The following GDAP1 variants were observed in gnomAD, a reference collection of about 807,000 sequenced individuals.
GDAP1 encodes the protein ganglioside-induced differentiation-associated protein 1.
In GDAP1, 34 loss-of-function variants were observed where a neutral mutation model predicts 40.1. The observed-to-expected ratio is 0.85, with a 90% CI of 0.64 to 1.13. The LOEUF (loss-of-function observed/expected upper bound fraction) is 1.13. Ranked by LOEUF, GDAP1 falls within the 50% of genes most tolerant of loss-of-function variation. The pLI is 0.00. For missense variants in GDAP1, 374 were observed against 433.7 expected, an observed-to-expected ratio of 0.86 and a Z score of 1.22; for synonymous variants, 170 against 157.4, an observed-to-expected ratio of 1.08 and a Z score of -0.60.
rs1484613046 is a variant in GDAP1, at chr8:74,454,577, T to G, written c.166-34101T>G. On this transcript the variant is annotated intron_variant, in intron 2 of 2. Transcript: ENST00000523640. The stretch of plus-strand genomic sequence containing the variant: ...AGGCTACTGTGTGCTGCTAGATACA[T>G]TCACAAGGATGGTGTTCTTCCAAAT... Among the ~76,000 whole-genome samples, 4 of 83,604 alleles carry G rather than the reference T, an allele frequency of 4.8e-5. 1 individual carries two copies. Among genetic ancestry groups the G allele is most frequent in the African/African-American group, 2.1e-4 (4 of 19,226 alleles). The allele number at this position is 83,604 out of a possible 152,430, so 54.8% of individuals were successfully genotyped here.
At chr8:74,401,314 C>T (rs1218000288) in intron 2 of GDAP1, among the ~76,000 whole-genome samples, 1 of 149,590 alleles carries the variant, frequency 6.7e-6, no homozygotes, top group Admixed American at 6.6e-5. Flanking sequence ...CATCTTCCAT[C>T]ACTGATACCC....
At chr8:74,355,475 A>C (rs571945524) in intron 2 of GDAP1, among the ~76,000 whole-genome samples, 2 of 152,318 alleles carry the variant, frequency 1.3e-5, no homozygotes, top group African/African-American at 2.4e-5. Context: ...TTTCATGTAC[A>C]TGATACCTCT....
intron 2 of GDAP1, among the ~76,000 whole-genome samples, chr8:74,482,880 C>T (rs1479677535): frequency 6.6e-6 from 1 of 152,172 alleles, no homozygotes; most frequent in Non-Finnish European, 1.5e-5. Flanking sequence ...CTCTTGTGCT[C>T]TTTCCTCTGT....
At chr8:74,464,398 G>A (rs1421161453) in intron 2 of GDAP1, among the ~76,000 whole-genome samples, 5 of 152,156 alleles carry the variant, frequency 3.3e-5, no homozygotes, top group African/African-American at 7.2e-5. Flanking sequence ...ATATTTTAGT[G>A]GTTTGCTTGG....
At chr8:74,379,677 G>T (rs574763525) in intron 2 of GDAP1, among the ~76,000 whole-genome samples, 1 of 152,214 alleles carries the variant, frequency 6.6e-6, no homozygotes, top group South Asian at 2.1e-4. Flanking sequence ...TTCTTGCTCT[G>T]CATCTTAACA....
At chr8:74,402,096 G>A (rs1563459234) in intron 2 of GDAP1, among the ~76,000 whole-genome samples, 1 of 150,174 alleles carries the variant, frequency 6.7e-6, no homozygotes, top group Non-Finnish European at 1.5e-5. Context: ...GTCAGACAGG[G>A]ACATTTAAGT....
At chr8:74,443,912 C>G (rs748636625) in intron 2 of GDAP1, among the ~76,000 whole-genome samples, 5 of 151,994 alleles carry the variant, frequency 3.3e-5, no homozygotes, top group Non-Finnish European at 5.9e-5. Context: ...TTTTTCTTTC[C>G]TGGCCTTGCA....
chr8:74,363,039 A>T lies in GDAP1; in HGVS notation c.680A>T (p.Asn227Ile). ...DQVETELQRR[N>I]EETPEEGQQP... ...GTTGAAACTGAATTGCAAAGAAGAA[A>T]TGAAGAAACCCCAGGTAGGTTCTCA... The change falls in exon 5 of 6, where the codon AAT (asparagine) becomes ATT (isoleucine). Residue 227 changes from asparagine (N) to isoleucine (I), a missense_variant. By Grantham distance (149) the Asn-to-Ile change is moderately radical (BLOSUM62 -3). Transcript: ENST00000220822. The T allele has an allele frequency of 6.8e-7, 1 of 1,463,310 alleles. No individual in the cohort carries two copies. The highest frequency in any genetic ancestry group is 9.6e-7 in the Non-Finnish European group (1 of 1,042,614). 90.6% of individuals were successfully genotyped at this position (1,463,310 alleles called of 1,614,324 possible).
At chr8:74,381,175 C>T (rs968190887) in intron 2 of GDAP1, among the ~76,000 whole-genome samples, 8 of 151,956 alleles carry the variant, frequency 5.3e-5, no homozygotes, top group Non-Finnish European at 1.0e-4. Flanking sequence ...AATAATACCT[C>T]AACAAAGCTG....
rs548870804 is a variant in GDAP1 at position 74,410,350 on chromosome 8, C to T, written c.165+59029C>T. 2.7e-5 allele frequency among the ~76,000 whole-genome samples: 4 copies of T among 150,060 alleles called. No individual in the cohort carries two copies. In the East Asian group the frequency reaches 7.7e-4, roughly 29 times the overall value. ...GAATTGGCGATGTTACATTTTTTAC[C>T]ATTAGCAGTAATGGAGGCTTCATAA... On this transcript the variant is annotated intron_variant, in intron 2 of 2. Transcript: ENST00000523640.
At chr8:74,420,879 T>C (rs568214147) in intron 2 of GDAP1, among the ~76,000 whole-genome samples, 6 of 152,198 alleles carry the variant, frequency 3.9e-5, no homozygotes, top group Admixed American at 3.9e-4. Flanking sequence ...CTGGGGTACA[T>C]GTGCCATGGT....
chr8:74,440,642 A>G (rs1006318565), intron 2 of GDAP1, among the ~76,000 whole-genome samples: 4 of 151,890 alleles, frequency 2.6e-5, no homozygotes, highest in African/African-American at 4.8e-5. Context: ...GTTTGCATGT[A>G]AAACTATGTT....
intron 2 of GDAP1, among the ~76,000 whole-genome samples, chr8:74,436,798 A>G (rs1806094866): frequency 6.6e-6 from 1 of 152,118 alleles, no homozygotes; most frequent in Non-Finnish European, 1.5e-5. Context: ...TTTACCCCCC[A>G]TAAGCCAGAG....
chr8:74,446,065 AC>A (rs1350823415), intron 2 of GDAP1, among the ~76,000 whole-genome samples: 1 of 152,128 alleles, frequency 6.6e-6, no homozygotes, highest in African/African-American at 2.4e-5. Flanking sequence ...TAGCAAACAT[AC>A]CCTTGTCTCA....
At chr8:74,471,127 A>G (rs1011664579) in intron 2 of GDAP1, among the ~76,000 whole-genome samples, 1 of 151,858 alleles carries the variant, frequency 6.6e-6, no homozygotes, top group Non-Finnish European at 1.5e-5. Context: ...GTTTGAGTTC[A>G]TTGTAGATTC....
At chr8:74,438,777 T>C (rs1172387810) in intron 2 of GDAP1, among the ~76,000 whole-genome samples, 2 of 152,148 alleles carry the variant, frequency 1.3e-5, no homozygotes, top group East Asian at 1.9e-4. Context: ...ATTATTGTTA[T>C]TTTTGTAGAG....
At chr8:74,422,037 T>G (rs1248869511) in intron 2 of GDAP1, among the ~76,000 whole-genome samples, 2 of 152,154 alleles carry the variant, frequency 1.3e-5, no homozygotes, top group Non-Finnish European at 1.5e-5. Context: ...AGAATCCATT[T>G]AAGGAGACAG....
chr8:74,376,732 C>G (rs749780391), intron 2 of GDAP1: 3 of 152,230 alleles, frequency 2.0e-5, no homozygotes, highest in East Asian at 1.9e-4. Context: ...TGATCACAAC[C>G]AGTTACAGAT....
rs567163616 is a variant in GDAP1, at chr8:74,403,088, C to T, written c.165+51767C>T. On this transcript the variant is annotated intron_variant, in intron 2 of 2. Coordinates refer to the GDAP1 transcript ENST00000523640. ...CACATACACGATAATAGTGCCCAAA[C>T]AATCTGATGTTAAAATAAGCTAATT... Among the ~76,000 whole-genome samples the T allele has an allele frequency of 3.3e-5, 5 of 150,188 alleles. No individual in the cohort carries two copies. In the East Asian group the frequency reaches 9.6e-4, roughly 29 times the overall value.
Sources: gnomAD v4.1 joint callset for allele counts (sites outside exome capture counted in the v4.1 genomes callset) on GRCh38, gnomAD v4.1.1 for gene constraint, MANE v1.5 for transcripts, NCBI Gene and HGNC (gene_info 2026-07-23, HGNC 2026-07-21) for gene names.